FAF1: variants seen among roughly 807,000 people sequenced by gnomAD.
FAF1 encodes FAS-associated factor 1.
In FAF1, 25 loss-of-function variants were observed where a neutral mutation model predicts 92.5. That is an observed-to-expected ratio of 0.27 (90% CI 0.20 to 0.38). FAF1 has a LOEUF of 0.38. FAF1 is among the 10% of genes least tolerant of loss of function. The pLI is 1.00. For synonymous variants in FAF1, 234 were observed against 273.2 expected (o/e 0.86, Z 1.42); for missense variants, 636 against 793.3 (o/e 0.80, Z 2.38).
At chr1:50,442,382 T>G (rs1646178932) in intron 18 of FAF1, among the ~76,000 whole-genome samples, 1 of 152,272 alleles carries the variant, frequency 6.6e-6, no homozygotes, top group South Asian at 2.1e-4. Context: ...CTGTGTTGGC[T>G]ATCAGCTTTG....
chr1:50,568,691 T>C (rs1650282137), intron 12 of FAF1, among the ~76,000 whole-genome samples: 1 of 152,174 alleles, frequency 6.6e-6, no homozygotes, highest in Non-Finnish European at 1.5e-5. Flanking sequence ...ATGTCACAGA[T>C]AGTTAGTAAC....
intron 18 of FAF1, among the ~76,000 whole-genome samples, chr1:50,467,466 A>T (rs976485834): frequency 2.6e-5 from 4 of 152,122 alleles, no homozygotes; most frequent in South Asian, 2.1e-4. Context: ...GGCATGTGCC[A>T]CCATGCCTGG....
chr1:50,528,083 G>T (rs940834386), intron 15 of FAF1, among the ~76,000 whole-genome samples: 1 of 151,844 alleles, frequency 6.6e-6, no homozygotes, highest in Non-Finnish European at 1.5e-5. Flanking sequence ...GCCCAGGCTG[G>T]TCTCAAACTC....
intron 8 of FAF1, among the ~76,000 whole-genome samples, chr1:50,653,598 G>A (rs12032894): frequency 1.3e-5 from 2 of 152,136 alleles, no homozygotes; most frequent in Non-Finnish European, 2.9e-5. Flanking sequence ...AGGCACGGTG[G>A]CTCATGCCTG....
intron 4 of FAF1, among the ~76,000 whole-genome samples, chr1:50,773,538 C>T (rs1660844727): frequency 1.3e-5 from 2 of 152,182 alleles, no homozygotes; most frequent in Admixed American, 1.3e-4. Flanking sequence ...ATGAATGAGT[C>T]TAGAGAACAT....
At chr1:50,477,078 C>T (rs1400441617) in intron 17 of FAF1, among the ~76,000 whole-genome samples, 7 of 152,172 alleles carry the variant, frequency 4.6e-5, no homozygotes, top group Non-Finnish European at 7.3e-5. Flanking sequence ...TGCTCAGACA[C>T]AAGTATGGAT....
At chr1:50,471,985 G>A (rs1254898836) in intron 18 of FAF1, among the ~76,000 whole-genome samples, 1 of 152,108 alleles carries the variant, frequency 6.6e-6, no homozygotes, top group Non-Finnish European at 1.5e-5. Flanking sequence ...GGAAAGAGGA[G>A]AGAAAACGGA....
chr1:50,776,569 A>C (rs193235875), intron 4 of FAF1, among the ~76,000 whole-genome samples: 1 of 152,304 alleles, frequency 6.6e-6, no homozygotes, highest in African/African-American at 2.4e-5. Context: ...AAAAAAAAGA[A>C]CAAGGTTTTT....
chr1:50,798,199 A>C (rs553458014), intron 3 of FAF1, among the ~76,000 whole-genome samples: 1 of 152,350 alleles, frequency 6.6e-6, no homozygotes, highest in East Asian at 1.9e-4. Context: ...TTTTAAGTAC[A>C]AAACCTGGGC....
chr1:50,666,886 AAAC>A (rs777094786), intron 7 of FAF1, among the ~76,000 whole-genome samples: 26 of 152,248 alleles, frequency 1.7e-4, no homozygotes, highest in Middle Eastern at 3.4e-3. Flanking sequence ...CTCCATCTCA[AAAC>A]AACAACAACA....
At chr1:50,568,980 G>A (rs1210956287) in intron 12 of FAF1, among the ~76,000 whole-genome samples, 1 of 152,136 alleles carries the variant, frequency 6.6e-6, no homozygotes, top group Non-Finnish European at 1.5e-5. Context: ...AGCATTTGTT[G>A]AAATGCTCTT....
At chr1:50,821,110 T>C (rs1320764339) in intron 2 of FAF1, among the ~76,000 whole-genome samples, 1 of 152,208 alleles carries the variant, frequency 6.6e-6, no homozygotes. Flanking sequence ...TAATGCTGCC[T>C]GACACCACAA....
intron 2 of FAF1, among the ~76,000 whole-genome samples, chr1:50,855,925 G>T (rs1037140597): frequency 1.3e-5 from 2 of 151,756 alleles, no homozygotes; most frequent in African/African-American, 4.8e-5. Context: ...CCCAAGTGTT[G>T]TTAGAATATT....
At chr1:50,628,607 CA>C (rs2124200056) in intron 8 of FAF1, among the ~76,000 whole-genome samples, 1 of 152,254 alleles carries the variant, frequency 6.6e-6, no homozygotes, top group East Asian at 1.9e-4. Flanking sequence ...TCTTGGATGT[CA>C]AAAGCTTAAA....
In FAF1 at chr1:50,712,714, T is replaced by A. The variant is rs183334777; in HGVS notation, c.552-6823A>T. Among the ~76,000 whole-genome samples, 147 of 152,192 alleles carry A rather than the reference T, an allele frequency of 9.7e-4. 1 individual carries two copies. The highest frequency in any genetic ancestry group is 1.4e-3 in the Admixed American group (21 of 15,282). On this transcript the variant is annotated intron_variant, in intron 6 of 18. Transcript: ENST00000396153. ...ATTTGCAAAGACATTTTTGCTAAAA[T>A]GTTATCTAGGCAAACTGATCCTAGC...
At chr1:50,486,562 TTTC>T (rs1646772218) in intron 17 of FAF1, among the ~76,000 whole-genome samples, 1 of 152,146 alleles carries the variant, frequency 6.6e-6, no homozygotes, top group African/African-American at 2.4e-5. Context: ...CCGTGAAGTC[TTTC>T]TTGTTGCCTT....
chr1:50,643,882 C>T (rs568418171), intron 8 of FAF1, among the ~76,000 whole-genome samples: 38 of 152,260 alleles, frequency 2.5e-4, no homozygotes, highest in African/African-American at 7.9e-4. Flanking sequence ...CAAGAGCCAT[C>T]GCTGCCCCCA....
intron 7 of FAF1, among the ~76,000 whole-genome samples, chr1:50,694,117 C>T (rs1172954118): frequency 7.1e-6 from 1 of 141,328 alleles, no homozygotes; most frequent in Admixed American, 6.7e-5. Context: ...AAACAGCAGC[C>T]TTTAAAAATA....
chr1:50,592,865 G>C (rs1016013638), intron 9 of FAF1, among the ~76,000 whole-genome samples: 5 of 151,856 alleles, frequency 3.3e-5, no homozygotes, highest in African/African-American at 9.7e-5. Flanking sequence ...TTGAACCCGT[G>C]GGGAGAAGGC....
Sources: gnomAD v4.1 joint callset for allele counts (sites outside exome capture counted in the v4.1 genomes callset) on GRCh38, gnomAD v4.1.1 for gene constraint, MANE v1.5 for transcripts, NCBI Gene and HGNC (gene_info 2026-07-23, HGNC 2026-07-21) for gene names.